The following NDRG4 variants were observed in gnomAD, a reference collection of about 807,000 sequenced individuals.
NDRG4 encodes the protein protein NDRG4.
A neutral mutation model predicts 55.8 loss-of-function variants in NDRG4; 38 were observed. That is an observed-to-expected ratio of 0.68 (90% CI 0.53 to 0.89). The LOEUF (loss-of-function observed/expected upper bound fraction) is 0.89. Ranked by LOEUF, NDRG4 falls within the 40% of genes least tolerant of loss-of-function variation. The probability of loss-of-function intolerance (pLI) is 0.00; values close to 1 mark genes in which losing one functional copy is unlikely to be tolerated. For missense variants in NDRG4, 455 were observed against 468.6 expected (o/e 0.97, Z 0.27); for synonymous variants, 190 against 182.7 (o/e 1.04, Z -0.32).
At chr16:58,466,120 G>A (rs531737876) in intron 1 of NDRG4, among the ~76,000 whole-genome samples, 29 of 152,330 alleles carry the variant, frequency 1.9e-4, no homozygotes, top group African/African-American at 6.0e-4. Context: ...AGGATCAAGG[G>A]ATTCTCGTGC....
At chr16:58,480,321 A>G (rs528441039) in intron 1 of NDRG4, among the ~76,000 whole-genome samples, 2 of 152,266 alleles carry the variant, frequency 1.3e-5, no homozygotes, top group Admixed American at 6.5e-5. Context: ...GGGTTTCACC[A>G]TGTTGGCCAG....
At chr16:58,496,942 A>T (rs1372428851), upstream of NDRG4, 1 of 152,202 alleles carries the variant, frequency 6.6e-6, no homozygotes, top group Non-Finnish European at 1.5e-5. Flanking sequence ...CCAAAATTGG[A>T]ATGATACAGA....
At chr16:58,474,201 C>G (rs2033297142) in intron 1 of NDRG4, among the ~76,000 whole-genome samples, 1 of 152,010 alleles carries the variant, frequency 6.6e-6, no homozygotes, top group Non-Finnish European at 1.5e-5. Flanking sequence ...ACACCACACA[C>G]CCGGCTAACT....
At chr16:58,474,454 G>A (rs78528176) in intron 1 of NDRG4, among the ~76,000 whole-genome samples, 1,957 of 152,134 alleles carry the variant, frequency 0.013, 47 homozygotes, top group African/African-American at 0.045. Flanking sequence ...ACATCCCAAC[G>A]CTCGCTCCTG....
At chr16:58,500,905 C>A in intron 1 of NDRG4, 2 of 936,588 alleles carry the variant, frequency 2.1e-6, no homozygotes, top group Middle Eastern at 2.4e-4. Context: ...GAGGTCTGGG[C>A]CACACAGGAA....
intron 1 of NDRG4, chr16:58,501,194 G>A (rs1197567596): frequency 5.1e-6 from 3 of 593,558 alleles, no homozygotes; most frequent in East Asian, 6.9e-5. Flanking sequence ...CCGCACGCAC[G>A]GAGGTGACGA....
intron 1 of NDRG4, among the ~76,000 whole-genome samples, chr16:58,474,463 T>C (rs2033348990): frequency 6.6e-6 from 1 of 152,164 alleles, no homozygotes; most frequent in South Asian, 2.1e-4. Context: ...CGCTCGCTCC[T>C]GGATCTCCTT....
intron 1 of NDRG4, among the ~76,000 whole-genome samples, chr16:58,482,615 CCTCTT>C (rs564174043): frequency 1.4e-4 from 21 of 151,316 alleles, no homozygotes; most frequent in Admixed American, 2.6e-4. Context: ...TTTTTTTTCT[CCTCTT>C]CTCTTCTCTT....
intron 1 of NDRG4, among the ~76,000 whole-genome samples, chr16:58,477,506 A>C (rs2033822759): frequency 6.6e-6 from 1 of 152,192 alleles, no homozygotes; most frequent in Non-Finnish European, 1.5e-5. Flanking sequence ...CAATGAAACA[A>C]ATAATGATAG....
At chr16:58,478,315 G>C (rs1258525452) in intron 1 of NDRG4, among the ~76,000 whole-genome samples, 3 of 152,010 alleles carry the variant, frequency 2.0e-5, no homozygotes, top group Non-Finnish European at 1.5e-5. Flanking sequence ...CTTGAACGTG[G>C]GAGGCAGAGG....
At chr16:58,486,133 A>G (rs952829998) in intron 1 of NDRG4, among the ~76,000 whole-genome samples, 1 of 152,144 alleles carries the variant, frequency 6.6e-6, no homozygotes, top group African/African-American at 2.4e-5. Context: ...AACTTTGCCA[A>G]TGCCATTGGC....
In NDRG4 at chr16:58,464,443, G is replaced by A. The variant is rs1421447213; in HGVS notation, c.-24+646G>A. 6 of 1,359,774 alleles carry A rather than the reference G, an allele frequency of 4.4e-6. No homozygotes were observed. Among genetic ancestry groups the A allele is most frequent in the Non-Finnish European group, 5.7e-6 (6 of 1,058,378 alleles). The allele number at this position is 1,359,774 out of a possible 1,614,324, so 84.2% of individuals were successfully genotyped here. A position where few individuals can be genotyped will look rare whatever the true frequency, so the allele number is the denominator to read the frequency against. ...GCCGGGCGCCGAGATGAAGGTGCTGGGACACCGGCTGGAGCTGCTCACAGG... is the reference window on the plus strand; with the variant it reads ...GCCGGGCGCCGAGATGAAGGTGCTGAGACACCGGCTGGAGCTGCTCACAGG... On this transcript the variant is annotated intron_variant, in intron 1 of 15. Coordinates refer to the NDRG4 transcript ENST00000258187. The surrounding 1 kb of genome is among the most constrained non-coding windows in gnomAD (Gnocchi z 4.8).
chr16:58,466,248 T>G (rs1358132213), intron 1 of NDRG4, among the ~76,000 whole-genome samples: 3 of 152,220 alleles, frequency 2.0e-5, no homozygotes, highest in Non-Finnish European at 4.4e-5. Context: ...ACTTCTGACC[T>G]CAAGTGATCC....
rs750076385 is a variant in NDRG4, at chr16:58,504,351, G to A, written c.249-8G>A. On this transcript the variant is annotated splice_region_variant and splice_polypyrimidine_tract_variant and intron_variant, in intron 3 of 14. Coordinates refer to ENST00000570248, the MANE Select transcript of NDRG4 (RefSeq NM_001242835.2). ...CACCTGGGCCCTGACCTCCTGCTCT[G>A]CCTGCAGGTACCAGTTCCCCTCCAT... is the stretch of plus-strand genomic sequence containing the variant. The A allele has an allele frequency of 3.7e-6, 6 of 1,613,694 alleles. No homozygotes were observed. In the East Asian group the frequency reaches 1.3e-4, roughly 36 times the overall value.
intron 1 of NDRG4, among the ~76,000 whole-genome samples, chr16:58,468,423 C>G (rs1485981519): frequency 6.6e-6 from 1 of 152,086 alleles, no homozygotes; most frequent in Non-Finnish European, 1.5e-5. Context: ...AATAATAGCC[C>G]TCATTAACAG....
Position 58,504,586 on chromosome 16 carries a change from C to G in NDRG4, c.312-3C>G. 1 of 1,614,206 alleles carries G rather than the reference C, an allele frequency of 6.2e-7. No individual in the cohort carries two copies. The highest frequency in any genetic ancestry group is 8.5e-7 in the Non-Finnish European group (1 of 1,180,036). ...CTAGAGTGACCAGCCTGCTCTGCAC[C>G]AGGTTCAAGTATGTGATTGGCATCG... On this transcript the variant is annotated splice_region_variant and splice_polypyrimidine_tract_variant and intron_variant, in intron 4 of 14. Coordinates refer to ENST00000570248, the MANE Select transcript of NDRG4 (RefSeq NM_001242835.2).
At chr16:58,506,136 GTGTGTGTGTGTGTGTGTGTGTC>G (rs988750332) in intron 5 of NDRG4, 44 of 583,362 alleles carry the variant, frequency 7.5e-5, no homozygotes, top group Admixed American at 4.7e-4. Context: ...GAAAGAGCGT[GTGTGTGTGTGTGTGTGTGTGTC>G]TGTGTGTGTG....
chr16:58,502,178 T>G (rs2037243904), intron 1 of NDRG4: 3 of 379,678 alleles, frequency 7.9e-6, no homozygotes, highest in South Asian at 3.7e-5. Flanking sequence ...AGCCTCAATT[T>G]CCTCCTCTAT....
chr16:58,478,260 G>A (rs956726732), intron 1 of NDRG4, among the ~76,000 whole-genome samples: 1 of 152,068 alleles, frequency 6.6e-6, no homozygotes, highest in Non-Finnish European at 1.5e-5. Context: ...ATGGTGGCGG[G>A]CACCTGTAAT....
Sources: allele counts gnomAD v4.1 joint callset (sites outside exome capture counted in the v4.1 genomes callset), GRCh38; gene constraint gnomAD v4.1.1; non-coding constraint Gnocchi (gnomAD v3.1); transcripts MANE v1.5; gene names NCBI Gene and HGNC (gene_info 2026-07-23, HGNC 2026-07-21).